MCF2L2: variants seen among roughly 807,000 people sequenced by gnomAD.
MCF2L2 encodes the protein MCF.2 cell line derived transforming sequence-like 2, also known as probable guanine nucleotide exchange factor MCF2L2.
MCF2L2 carries 102 observed loss-of-function variants against 150.2 expected under a neutral mutation model. The observed-to-expected ratio is 0.68, with a 90% CI of 0.58 to 0.80. The LOEUF (loss-of-function observed/expected upper bound fraction) is 0.80. MCF2L2 is among the 30% of genes least tolerant of loss of function. The pLI is 0.00. For missense variants in MCF2L2, 1,256 were observed against 1,372.8 expected (o/e 0.91, Z 1.34); for synonymous variants, 465 against 491.3 (o/e 0.95, Z 0.71).
intron 3 of MCF2L2, among the ~76,000 whole-genome samples, chr3:183,353,735 T>C (rs1711605087): frequency 6.6e-6 from 1 of 152,114 alleles, no homozygotes; most frequent in Non-Finnish European, 1.5e-5. Context: ...CAACACGGGA[T>C]TACAACTTGA....
At chr3:183,370,961 T>A (rs1389345741) in intron 3 of MCF2L2, among the ~76,000 whole-genome samples, 2 of 152,152 alleles carry the variant, frequency 1.3e-5, no homozygotes, top group African/African-American at 4.8e-5. Flanking sequence ...ACACTCTGGA[T>A]TGACAAGTAC....
chr3:183,419,690 T>C (rs1445845665), intron 1 of MCF2L2, among the ~76,000 whole-genome samples: 4 of 152,120 alleles, frequency 2.6e-5, no homozygotes, highest in South Asian at 4.1e-4. Context: ...CTGGCCAACA[T>C]GGTGAAACCC....
chr3:183,269,903 C>T lies in MCF2L2; in HGVS notation c.1862+6969G>A, dbSNP rs374097634. On this transcript the variant is annotated intron_variant, in intron 15 of 29. Transcript: ENST00000328913. ...GCCTCATGTTTTTTTGGGAACCAAT[C>T]GATAATCACATTGTGAGCCATATGA... 43 of 1,613,960 alleles carry T rather than the reference C, an allele frequency of 2.7e-5. 1 individual carries two copies. In the African/African-American group the frequency reaches 3.7e-4, roughly 14 times the overall value.
At chr3:183,362,405 T>C (rs533876600) in intron 3 of MCF2L2, among the ~76,000 whole-genome samples, 8 of 152,218 alleles carry the variant, frequency 5.3e-5, no homozygotes, top group Admixed American at 4.6e-4. Flanking sequence ...ACCCAGCCTC[T>C]TGTCTCAAGA....
At chr3:183,358,051 G>A (rs1052196136) in intron 3 of MCF2L2, among the ~76,000 whole-genome samples, 1 of 152,128 alleles carries the variant, frequency 6.6e-6, no homozygotes, top group Non-Finnish European at 1.5e-5. Context: ...ACTTTGGGAG[G>A]CCGAGAAGGG....
At chr3:183,347,493 T>C (rs1248450149) in intron 3 of MCF2L2, among the ~76,000 whole-genome samples, 1 of 152,102 alleles carries the variant, frequency 6.6e-6, no homozygotes, top group Non-Finnish European at 1.5e-5. Context: ...GACATAGGCG[T>C]GGCAAAGACT....
intron 23 of MCF2L2, 73 bp from the exon 24 acceptor site, chr3:183,206,287 C>T: frequency 9.3e-7 from 1 of 1,070,164 alleles, no homozygotes; most frequent in Admixed American, 1.7e-5. Context: ...GTCAATCACT[C>T]TAATCCTTTC....
intron 7 of MCF2L2, among the ~76,000 whole-genome samples, chr3:183,314,524 G>A (rs1729517678): frequency 6.6e-6 from 1 of 152,080 alleles, no homozygotes; most frequent in Non-Finnish European, 1.5e-5. Context: ...CTGTTTGATT[G>A]TTTGGGCGAC....
chr3:183,311,148 A>C (rs1259068489), intron 8 of MCF2L2, 119 bp from the exon 9 acceptor site: 11 of 621,774 alleles, frequency 1.8e-5, no homozygotes, highest in East Asian at 2.8e-5. Context: ...TGACCATCTC[A>C]TTATTATGAA....
At chr3:183,343,723 T>C (rs1280377909) in intron 3 of MCF2L2, among the ~76,000 whole-genome samples, 2 of 152,156 alleles carry the variant, frequency 1.3e-5, no homozygotes, top group African/African-American at 4.8e-5. Context: ...AAATGTTATG[T>C]AAACGTTAAA....
intron 18 of MCF2L2, chr3:183,228,022 T>TACACACACACACACAC (rs1220376722): frequency 5.5e-4 from 14 of 25,506 alleles, no homozygotes; most frequent in African/African-American, 6.9e-4. Flanking sequence ...TATATATATA[T>TACACACACACACACAC]ACATATACAC....
chr3:183,427,438 C>G (rs575814661), intron 1 of MCF2L2, among the ~76,000 whole-genome samples: 67 of 152,262 alleles, frequency 4.4e-4, no homozygotes, highest in Admixed American at 7.8e-4. Flanking sequence ...TGCGCAGGGG[C>G]GCTCCCATGT....
intron 15 of MCF2L2, among the ~76,000 whole-genome samples, chr3:183,247,596 T>C (rs1724316751): frequency 6.6e-6 from 1 of 152,220 alleles, no homozygotes; most frequent in African/African-American, 2.4e-5. Context: ...GAAACAATTA[T>C]AGTCAGTCCT....
intron 1 of MCF2L2, among the ~76,000 whole-genome samples, chr3:183,415,859 A>C (rs1715561381): frequency 6.6e-6 from 1 of 152,060 alleles, no homozygotes; most frequent in Non-Finnish European, 1.5e-5. Context: ...TGATTGGATC[A>C]TTTATCCATT....
Position 183,229,800 on chromosome 3 carries a change from G to T in MCF2L2, c.1930-19C>A. On this transcript the variant is annotated intron_variant, in intron 16 of 29. Coordinates refer to ENST00000328913, the MANE Select transcript of MCF2L2 (RefSeq NM_015078.4). ...TATATCCCTGCAGAGGTGCAAACAA[G>T]GTAGGTGTTACAAACAGGAACATAC... 1 of 1,136,572 alleles carries T rather than the reference G, an allele frequency of 8.8e-7. No individual in the cohort carries two copies. The highest frequency in any genetic ancestry group is 2.4e-5 in the East Asian group (1 of 41,032). The allele number at this position is 1,136,572 out of a possible 1,614,324, so 70.4% of individuals were successfully genotyped here. A position where few individuals can be genotyped will look rare whatever the true frequency, so the allele number is the denominator to read the frequency against.
intron 1 of MCF2L2, among the ~76,000 whole-genome samples, chr3:183,403,298 A>C (rs748327580): frequency 6.9e-5 from 10 of 145,716 alleles, no homozygotes; most frequent in Non-Finnish European, 1.5e-4. Flanking sequence ...TAAAAGCAAC[A>C]GAAGAAATTA....
At chr3:183,347,445 TA>T (rs1229779675) in intron 3 of MCF2L2, among the ~76,000 whole-genome samples, 4 of 152,108 alleles carry the variant, frequency 2.6e-5, no homozygotes, top group Non-Finnish European at 1.5e-5. Context: ...CCTAAAACCA[TA>T]AAAACCCTAG....
intron 3 of MCF2L2, among the ~76,000 whole-genome samples, chr3:183,346,737 A>C (rs989404571): frequency 1.4e-4 from 21 of 152,364 alleles, no homozygotes; most frequent in African/African-American, 3.8e-4. Context: ...ATCAATGTGC[A>C]AAAATCATAA....
At chr3:183,312,471 A>T (rs546108007) in intron 7 of MCF2L2, among the ~76,000 whole-genome samples, 8 of 152,344 alleles carry the variant, frequency 5.3e-5, no homozygotes, top group South Asian at 4.1e-4. Flanking sequence ...CCATAAAGAA[A>T]GTCCAGACTG....
Sources: gnomAD v4.1 joint callset for allele counts (sites outside exome capture counted in the v4.1 genomes callset) on GRCh38, gnomAD v4.1.1 for gene constraint, MANE v1.5 for transcripts, NCBI Gene and HGNC (gene_info 2026-07-23, HGNC 2026-07-21) for gene names.